CUL1: variants seen among roughly 807,000 people sequenced by gnomAD.
CUL1 encodes the protein cullin-1.
A neutral mutation model predicts 118.0 loss-of-function variants in CUL1; 24 were observed. The observed-to-expected ratio is 0.20, with a 90% confidence interval of 0.15 to 0.29. The LOEUF is 0.29. Among genes scored for constraint, CUL1 ranks in the 10% least tolerant of loss-of-function variants. The probability of loss-of-function intolerance (pLI) is 1.00; values close to 1 mark genes in which losing one functional copy is unlikely to be tolerated. For missense variants in CUL1, 361 were observed against 933.8 expected, an observed-to-expected ratio of 0.39 and a Z score of 7.99; for synonymous variants, 332 against 340.4, an observed-to-expected ratio of 0.98 and a Z score of 0.27.
chr7:148,725,195 GTGTA>G (rs1194504313), intron 1 of CUL1, among the ~76,000 whole-genome samples: 2 of 134,756 alleles, frequency 1.5e-5, no homozygotes, highest in African/African-American at 2.9e-5. Flanking sequence ...ACATGCGCGC[GTGTA>G]CACACACACA....
At position 148,790,295 on chromosome 7, in the gene CUL1, T is replaced by C. The variant is rs768371807; in HGVS notation, c.1675-15T>C. On this transcript the variant is annotated splice_polypyrimidine_tract_variant and intron_variant, in intron 15 of 21. Transcript: ENST00000325222. ...GTGAGATCTGTATTCCATATAATGC[T>C]GTCCTTTTATCTAGTTGGAACGTAG... is the stretch of plus-strand genomic sequence containing the variant. 1.9e-6 allele frequency: 3 copies of C among 1,614,010 alleles called. No homozygotes were observed. Among genetic ancestry groups the C allele is most frequent in the Middle Eastern group, 1.7e-4 (1 of 6,044 alleles).
At chr7:148,775,115 A>C (rs1196183440) in intron 9 of CUL1, among the ~76,000 whole-genome samples, 2 of 152,240 alleles carry the variant, frequency 1.3e-5, no homozygotes, top group Non-Finnish European at 2.9e-5. Flanking sequence ...TAGACCAGTG[A>C]ACAGACGAAT....
At chr7:148,799,188 G>A in intron 20 of CUL1, 87 bp from the exon 21 acceptor site, 1 of 968,108 alleles carries the variant, frequency 1.0e-6, no homozygotes, top group South Asian at 1.5e-5. Flanking sequence ...ATAGGCGTCG[G>A]CAGCCTCTGT....
rs1800874133 is a variant in CUL1 at position 148,787,964 on chromosome 7, A to T, written c.1480-593A>T. 1.3e-5 allele frequency among the ~76,000 whole-genome samples: 2 copies of T among 152,178 alleles called. No homozygotes were observed. Among genetic ancestry groups the T allele is most frequent in the South Asian group, 4.1e-4 (2 of 4,830 alleles). On this transcript the variant is annotated intron_variant, in intron 13 of 21. Coordinates refer to ENST00000325222, the MANE Select transcript of CUL1 (RefSeq NM_003592.3). The surrounding 1 kb of genome is among the most constrained non-coding windows in gnomAD (Gnocchi z 5.5). ...ATAGACCAGGTAGCTTAAACAACAG[A>T]AATAGTTTCTCACAATTCTGGGGGC...
intron 2 of CUL1, among the ~76,000 whole-genome samples, chr7:148,732,911 C>T (rs531063703): frequency 6.6e-6 from 1 of 152,206 alleles, no homozygotes; most frequent in Non-Finnish European, 1.5e-5. Flanking sequence ...AGAATCTAAA[C>T]CAAGTCTAAA....
intron 1 of CUL1, among the ~76,000 whole-genome samples, chr7:148,701,560 G>C (rs1797722330): frequency 6.6e-6 from 1 of 152,194 alleles, no homozygotes; most frequent in Admixed American, 6.5e-5. Context: ...CCCAGGTTGA[G>C]TATCCAGCCT....
chr7:148,725,247 A>ACACC (rs1249684580), intron 1 of CUL1, among the ~76,000 whole-genome samples: 23 of 151,048 alleles, frequency 1.5e-4, no homozygotes, highest in African/African-American at 5.4e-4. Context: ...ACACACACAC[A>ACACC]CCCGTACCCC....
chr7:148,781,079 A>ATTTTTGTTTTTTTTTTTT (rs1800612197), intron 9 of CUL1, among the ~76,000 whole-genome samples: 1 of 93,732 alleles, frequency 1.1e-5, no homozygotes, highest in African/African-American at 4.6e-5. Context: ...TCAAGGCCAG[A>ATTTTTGTTTTTTTTTTTT]TTTTTTTTTT....
At chr7:148,751,534 CAAAA>C (rs1166826975) in intron 2 of CUL1, among the ~76,000 whole-genome samples, 18 of 65,688 alleles carry the variant, frequency 2.7e-4, no homozygotes, top group African/African-American at 5.2e-4. Context: ...GACTCTGTCT[CAAAA>C]AAAAAAAAAA....
At chr7:148,707,713 C>G (rs1797931807) in intron 1 of CUL1, among the ~76,000 whole-genome samples, 1 of 152,132 alleles carries the variant, frequency 6.6e-6, no homozygotes, top group Non-Finnish European at 1.5e-5. Flanking sequence ...CTTTTTAAAC[C>G]TGTAAAATAA....
At chr7:148,708,442 C>T (rs954459951) in intron 1 of CUL1, among the ~76,000 whole-genome samples, 2 of 152,242 alleles carry the variant, frequency 1.3e-5, no homozygotes, top group Non-Finnish European at 2.9e-5. Context: ...TTTATACCTT[C>T]CTCTTTGGCC....
intron 6 of CUL1, 45 bp downstream of exon 6, chr7:148,759,683 G>C (rs148506104): frequency 9.3e-7 from 1 of 1,070,402 alleles, no homozygotes; most frequent in East Asian, 2.5e-5. Context: ...CACATCAAAT[G>C]GCAATTACAA....
chr7:148,772,043 T>C (rs149204089), intron 9 of CUL1, among the ~76,000 whole-genome samples: 1 of 152,208 alleles, frequency 6.6e-6, no homozygotes, highest in African/African-American at 2.4e-5. Flanking sequence ...CTTAATGATT[T>C]TTTTGACTTT....
intron 8 of CUL1, among the ~76,000 whole-genome samples, 194 bp from the exon 9 acceptor site, chr7:148,767,425 A>G (rs1289233080): frequency 6.6e-6 from 1 of 152,044 alleles, no homozygotes; most frequent in Non-Finnish European, 1.5e-5. Context: ...TAACAATTTC[A>G]TTGTTACTTT....
At chr7:148,789,716 G>A (rs748609422) in intron 14 of CUL1, 34 bp from the exon 15 acceptor site, 1 of 1,567,146 alleles carries the variant, frequency 6.4e-7, no homozygotes, top group South Asian at 1.1e-5. Context: ...ATGTATTCCA[G>A]AATGTTCACT....
intron 2 of CUL1, among the ~76,000 whole-genome samples, chr7:148,752,979 T>G (rs1350010409): frequency 6.6e-6 from 1 of 152,222 alleles, no homozygotes; most frequent in Non-Finnish European, 1.5e-5. Context: ...GTGATCTTAC[T>G]TAGAAAGGGC....
intron 2 of CUL1, among the ~76,000 whole-genome samples, chr7:148,745,727 A>G (rs1799291836): frequency 1.3e-5 from 2 of 150,202 alleles, no homozygotes; most frequent in Non-Finnish European, 3.0e-5. Flanking sequence ...AAACAAGCAT[A>G]TGACTTAAAG....
intron 4 of CUL1, among the ~76,000 whole-genome samples, chr7:148,757,659 A>G (rs763067296): frequency 4.6e-5 from 7 of 152,226 alleles, no homozygotes; most frequent in Non-Finnish European, 5.9e-5. Context: ...TTTTCAAAGT[A>G]TGGTCCTGTA....
chr7:148,712,510 A>G (rs1798083409), intron 1 of CUL1, among the ~76,000 whole-genome samples: 1 of 152,218 alleles, frequency 6.6e-6, no homozygotes, highest in Non-Finnish European at 1.5e-5. Context: ...TTTTCAGGTA[A>G]CGTTAATTTA....
Sources: allele counts gnomAD v4.1 joint callset (sites outside exome capture counted in the v4.1 genomes callset), GRCh38; gene constraint gnomAD v4.1.1; non-coding constraint Gnocchi (gnomAD v3.1); transcripts MANE v1.5; gene names NCBI Gene and HGNC (gene_info 2026-07-23, HGNC 2026-07-21).